The following PRUNE2 variants were observed in gnomAD, a reference collection of about 807,000 sequenced individuals.
PRUNE2 encodes the protein prune homolog 2 with BCH domain.
PRUNE2 carries 164 observed loss-of-function variants against 252.0 expected under a neutral mutation model. That is an observed-to-expected ratio of 0.65 (90% CI 0.57 to 0.74). PRUNE2 has a LOEUF of 0.74. Among genes scored for constraint, PRUNE2 ranks in the 30% least tolerant of loss-of-function variants. The pLI, the probability that PRUNE2 is intolerant of heterozygous loss-of-function variation, is 0.00. For synonymous variants in PRUNE2, 1,292 were observed against 1,350.2 expected, an observed-to-expected ratio of 0.96 and a Z score of 0.94; for missense variants, 3,495 against 3,711.0, an observed-to-expected ratio of 0.94 and a Z score of 1.51.
At position 76,710,154 on chromosome 9, in the gene PRUNE2, C is replaced by G. The variant is rs774041489; in HGVS notation, c.2120G>C (p.Ser707Thr). 2 of 1,613,878 alleles carry G rather than the reference C, an allele frequency of 1.2e-6. No individual in the cohort carries two copies. Among genetic ancestry groups the G allele is most frequent in the Non-Finnish European group, 8.5e-7 (1 of 1,179,862 alleles). The change falls in exon 8 of 19, where the codon AGC (serine) becomes ACC (threonine). Residue 707 changes from serine (S) to threonine (T), a missense_variant. Physicochemically the swap from Ser to Thr is moderately conservative, Grantham distance 58 (BLOSUM62 1). Coordinates refer to ENST00000376718, the MANE Select transcript of PRUNE2 (RefSeq NM_015225.3). ...RASDSVFQPK[S>T]LEFTKSGPWE... ...GGGACCTGACTTTGTAAATTCGAGG[C>G]TCTTTGGTTGAAATACAGAATCTGA...
intron 9 of PRUNE2, among the ~76,000 whole-genome samples, chr9:76,693,439 CT>C (rs550030416): frequency 2.4e-4 from 26 of 108,036 alleles, no homozygotes; most frequent in African/African-American, 6.3e-4. Context: ...AGCACCTACT[CT>C]TTTTTTTTTT....
intron 6 of PRUNE2, among the ~76,000 whole-genome samples, chr9:76,728,335 A>C: frequency 6.6e-6 from 1 of 151,962 alleles, no homozygotes; most frequent in East Asian, 1.9e-4. Flanking sequence ...TATACCTAAG[A>C]ATAGCCCAGG....
chr9:76,850,922 T>C (rs1044954021), intron 2 of PRUNE2, among the ~76,000 whole-genome samples: 1 of 152,148 alleles, frequency 6.6e-6, no homozygotes, highest in Non-Finnish European at 1.5e-5. Context: ...TTTTAGACCC[T>C]GCACCATTTG....
At chr9:76,794,339 G>A (rs1042564627) in intron 6 of PRUNE2, among the ~76,000 whole-genome samples, 6 of 152,286 alleles carry the variant, frequency 3.9e-5, no homozygotes, top group East Asian at 1.9e-4. Context: ...GCCTCCGAGC[G>A]AGCGCGGTCG....
chr9:76,658,366 C>T (rs542076672), intron 9 of PRUNE2, among the ~76,000 whole-genome samples: 1 of 152,086 alleles, frequency 6.6e-6, no homozygotes, highest in Non-Finnish European at 1.5e-5. Context: ...CCCACTCCCC[C>T]CCAAAAAGAA....
At chr9:76,619,246 A>C (rs1412295335) in intron 18 of PRUNE2, 94 bp downstream of exon 18, 1 of 794,578 alleles carries the variant, frequency 1.3e-6, no homozygotes, top group Non-Finnish European at 2.1e-6. Flanking sequence ...ACATCTAAAC[A>C]GGGTTTACCC....
At chr9:76,864,230 G>A (rs1464173374) in intron 1 of PRUNE2, among the ~76,000 whole-genome samples, 8 of 152,178 alleles carry the variant, frequency 5.3e-5, no homozygotes, top group African/African-American at 1.9e-4. Context: ...TCACTTATAA[G>A]TGGGAGCTAA....
chr9:76,809,567 G>A (rs989246021), intron 6 of PRUNE2, among the ~76,000 whole-genome samples: 6 of 152,056 alleles, frequency 3.9e-5, no homozygotes, highest in Admixed American at 1.3e-4. Flanking sequence ...GTGGTCGCGC[G>A]CACCTATAGT....
chr9:76,634,369 T>C (rs1459678798), intron 15 of PRUNE2, among the ~76,000 whole-genome samples: 2 of 152,224 alleles, frequency 1.3e-5, no homozygotes, highest in East Asian at 3.8e-4. Context: ...GGCTTGAGGC[T>C]TTCTCTGTAG....
chr9:76,690,260 T>C (rs1329769418), intron 9 of PRUNE2, among the ~76,000 whole-genome samples: 4 of 152,214 alleles, frequency 2.6e-5, no homozygotes, highest in African/African-American at 9.7e-5. Context: ...TGGTAAGGAA[T>C]TGAGAAACCA....
intron 6 of PRUNE2, among the ~76,000 whole-genome samples, chr9:76,718,299 T>C (rs1323643795): frequency 6.6e-6 from 1 of 152,224 alleles, no homozygotes; most frequent in Non-Finnish European, 1.5e-5. Flanking sequence ...AACATTTCAG[T>C]AGATATCCTT....
At chr9:76,823,480 A>G (rs1314919809) in intron 6 of PRUNE2, 152 bp downstream of exon 6, 17 of 637,974 alleles carry the variant, frequency 2.7e-5, no homozygotes, top group Non-Finnish European at 2.0e-5. Flanking sequence ...TTTTCACCCA[A>G]ATAATAACCT....
intron 1 of PRUNE2, among the ~76,000 whole-genome samples, chr9:76,889,329 C>T (rs2062314365): frequency 2.5e-5 from 3 of 119,500 alleles, no homozygotes; most frequent in Admixed American, 1.8e-4. Context: ...TGCATGGTGG[C>T]GTGACTGCAG....
At chr9:76,647,190 G>C (rs1845262672) in intron 11 of PRUNE2, among the ~76,000 whole-genome samples, 1 of 152,100 alleles carries the variant, frequency 6.6e-6, no homozygotes, top group Non-Finnish European at 1.5e-5. Context: ...AACAAAAATT[G>C]TATACTACTT....
chr9:76,861,067 C>A (rs1048797744), intron 1 of PRUNE2, among the ~76,000 whole-genome samples: 8 of 152,182 alleles, frequency 5.3e-5, no homozygotes, highest in Admixed American at 3.9e-4. Context: ...CTAACTCAAA[C>A]CCAGTCACAG....
At chr9:76,880,420 T>C (rs552310307) in intron 1 of PRUNE2, among the ~76,000 whole-genome samples, 1 of 152,276 alleles carries the variant, frequency 6.6e-6, no homozygotes, top group South Asian at 2.1e-4. Flanking sequence ...TGTAGACATT[T>C]GTACTGATGG....
At chr9:76,672,954 A>T (rs971969208) in intron 9 of PRUNE2, among the ~76,000 whole-genome samples, 1 of 146,890 alleles carries the variant, frequency 6.8e-6, no homozygotes, top group African/African-American at 2.5e-5. Context: ...GAAAGCAGGA[A>T]AGATCCAAAA....
intron 9 of PRUNE2, among the ~76,000 whole-genome samples, chr9:76,662,796 T>C (rs1419305472): frequency 6.6e-6 from 1 of 152,266 alleles, no homozygotes; most frequent in Admixed American, 6.5e-5. Context: ...GTTATGCTGA[T>C]ATATTTTGGG....
At chr9:76,779,813 C>T (rs182660623) in intron 6 of PRUNE2, 4 of 152,314 alleles carry the variant, frequency 2.6e-5, no homozygotes, top group South Asian at 4.1e-4. Context: ...ACCTTTAACC[C>T]GTATGCTTTG....
Sources: gnomAD v4.1 joint callset for allele counts (sites outside exome capture counted in the v4.1 genomes callset) on GRCh38, gnomAD v4.1.1 for gene constraint, MANE v1.5 for transcripts, NCBI Gene and HGNC (gene_info 2026-07-23, HGNC 2026-07-21) for gene names.